The following MOB3B variants were observed in gnomAD, a reference collection of about 807,000 sequenced individuals.
MOB3B encodes MOB kinase activator-like 2B.
A neutral mutation model predicts 18.7 loss-of-function variants in MOB3B; 7 were observed. That is an observed-to-expected ratio of 0.37 (90% confidence interval 0.21 to 0.70). MOB3B has a LOEUF of 0.70. MOB3B is among the 30% of genes least tolerant of loss of function. The pLI is 0.52. For synonymous variants in MOB3B, 111 were observed against 99.9 expected (o/e 1.11, Z -0.66); for missense variants, 253 against 281.3 (o/e 0.90, Z 0.72).
At chr9:27,357,758 A>G (rs943656088) in intron 3 of MOB3B, among the ~76,000 whole-genome samples, 13 of 151,752 alleles carry the variant, frequency 8.6e-5, no homozygotes, top group African/African-American at 3.1e-4. Context: ...TACCTAAATA[A>G]TAATAAAACC....
At chr9:27,502,980 C>G (rs974167785) in intron 1 of MOB3B, among the ~76,000 whole-genome samples, 2 of 152,232 alleles carry the variant, frequency 1.3e-5, no homozygotes, top group African/African-American at 4.8e-5. Context: ...TCTCAGAGAT[C>G]TGCAGACCCT....
chr9:27,392,400 G>A (rs551400421), intron 2 of MOB3B, among the ~76,000 whole-genome samples: 43 of 152,276 alleles, frequency 2.8e-4, no homozygotes, highest in Non-Finnish European at 4.7e-4. Flanking sequence ...ATGGTATACC[G>A]TAGTAGGACT....
At chr9:27,366,455 T>C (rs561880709) in intron 2 of MOB3B, among the ~76,000 whole-genome samples, 209 of 152,306 alleles carry the variant, frequency 1.4e-3, no homozygotes, top group African/African-American at 4.8e-3. Flanking sequence ...TCTCATTCAA[T>C]CCTTCCTTTT....
At chr9:27,419,272 C>A (rs1209110552) in intron 2 of MOB3B, among the ~76,000 whole-genome samples, 3 of 152,070 alleles carry the variant, frequency 2.0e-5, no homozygotes, top group Admixed American at 6.6e-5. Context: ...CATCAAGATA[C>A]CACCATCATT....
intron 1 of MOB3B, among the ~76,000 whole-genome samples, chr9:27,496,859 C>G (rs866958956): frequency 8.5e-5 from 13 of 152,178 alleles, no homozygotes; most frequent in African/African-American, 2.9e-4. Flanking sequence ...CCAAGGGTTC[C>G]CAAAGCAAAT....
chr9:27,381,768 T>G (rs1821580848), intron 2 of MOB3B, among the ~76,000 whole-genome samples: 3 of 152,116 alleles, frequency 2.0e-5, no homozygotes, highest in Admixed American at 1.3e-4. Context: ...TGCCTCAGCC[T>G]CTTGAGTAGC....
chr9:27,500,831 A>T (rs189001673), intron 1 of MOB3B, among the ~76,000 whole-genome samples: 12 of 152,280 alleles, frequency 7.9e-5, no homozygotes, highest in African/African-American at 2.6e-4. Flanking sequence ...ATGGGAGAAA[A>T]TTTTTGCAAT....
At chr9:27,497,112 C>T (rs1819914590) in intron 1 of MOB3B, among the ~76,000 whole-genome samples, 1 of 152,196 alleles carries the variant, frequency 6.6e-6, no homozygotes, top group Non-Finnish European at 1.5e-5. Context: ...TGAGTAGCTT[C>T]CCAGAAAGAT....
chr9:27,449,672 T>A (rs574260093), intron 2 of MOB3B, among the ~76,000 whole-genome samples: 1 of 152,174 alleles, frequency 6.6e-6, no homozygotes, highest in Admixed American at 6.5e-5. Context: ...GTGAGAGACA[T>A]ACAATAGAAA....
At chr9:27,512,775 T>A (rs1054054036) in intron 1 of MOB3B, among the ~76,000 whole-genome samples, 1 of 152,220 alleles carries the variant, frequency 6.6e-6, no homozygotes, top group African/African-American at 2.4e-5. Context: ...AGGATCACTT[T>A]TTTTCACTTC....
chr9:27,426,684 C>A (rs1212570634), intron 2 of MOB3B, among the ~76,000 whole-genome samples: 1 of 152,182 alleles, frequency 6.6e-6, no homozygotes, highest in African/African-American at 2.4e-5. Context: ...GACACTGTCC[C>A]CCCCTGCCCG....
At chr9:27,520,930 G>C (rs1184920273) in intron 1 of MOB3B, among the ~76,000 whole-genome samples, 1 of 152,230 alleles carries the variant, frequency 6.6e-6, no homozygotes, top group Non-Finnish European at 1.5e-5. Context: ...TATTGCATGA[G>C]TGTTCTATAT....
At chr9:27,480,457 G>T (rs1270308326) in intron 1 of MOB3B, among the ~76,000 whole-genome samples, 4 of 152,166 alleles carry the variant, frequency 2.6e-5, no homozygotes, top group Non-Finnish European at 5.9e-5. Context: ...CCGCCACCAT[G>T]CTCGGCTAAT....
chr9:27,427,313 T>TGCACTTTTTCC (rs1327258161), intron 2 of MOB3B, among the ~76,000 whole-genome samples: 1 of 152,216 alleles, frequency 6.6e-6, no homozygotes, highest in East Asian at 1.9e-4. Flanking sequence ...CCAAAGAGCA[T>TGCACTTTTTCC]CTGGTTACCT....
intron 2 of MOB3B, among the ~76,000 whole-genome samples, chr9:27,446,219 A>T (rs1196405023): frequency 1.7e-5 from 2 of 118,742 alleles, no homozygotes; most frequent in Non-Finnish European, 3.5e-5. Flanking sequence ...ACTGCCTCCC[A>T]ATTTTTGGGA....
intron 2 of MOB3B, among the ~76,000 whole-genome samples, chr9:27,416,914 C>T (rs192075966): frequency 5.4e-4 from 82 of 152,226 alleles, no homozygotes; most frequent in African/African-American, 1.9e-3. Context: ...CTTATGACTA[C>T]TAGAATAAGC....
chr9:27,360,876 G>A (rs557646782), intron 2 of MOB3B, among the ~76,000 whole-genome samples: 2 of 152,256 alleles, frequency 1.3e-5, no homozygotes, highest in South Asian at 4.1e-4. Flanking sequence ...TGACTGCCTG[G>A]GCAACAGATG....
intron 1 of MOB3B, among the ~76,000 whole-genome samples, chr9:27,459,018 C>A (rs188930563): frequency 2.4e-4 from 36 of 151,782 alleles, no homozygotes; most frequent in Admixed American, 1.8e-3. Context: ...TAGGCCCCCC[C>A]CCATGTTTAA....
intron 1 of MOB3B, among the ~76,000 whole-genome samples, chr9:27,515,884 G>A (rs1820224755): frequency 6.6e-6 from 1 of 152,122 alleles, no homozygotes; most frequent in Non-Finnish European, 1.5e-5. Flanking sequence ...CTATAATGTG[G>A]CCTTATTTGG....
Sources: gnomAD v4.1 joint callset for allele counts (sites outside exome capture counted in the v4.1 genomes callset) on GRCh38, gnomAD v4.1.1 for gene constraint, MANE v1.5 for transcripts, NCBI Gene and HGNC (gene_info 2026-07-23, HGNC 2026-07-21) for gene names.